The following TOPAZ1 variants were observed in gnomAD, a reference collection of about 807,000 sequenced individuals.
TOPAZ1 encodes testis and ovary specific TOPAZ 1.
TOPAZ1 carries 66 observed loss-of-function variants against 172.2 expected under a neutral mutation model. The observed-to-expected ratio is 0.38, with a 90% confidence interval of 0.31 to 0.47. TOPAZ1 has a LOEUF of 0.47. Ranked by LOEUF, TOPAZ1 falls within the 20% of genes least tolerant of loss-of-function variation. The probability of loss-of-function intolerance (pLI) is 0.99; values close to 1 mark genes in which losing one functional copy is unlikely to be tolerated. For missense variants in TOPAZ1, 1,822 were observed against 1,972.4 expected (o/e 0.92, Z 1.44); for synonymous variants, 681 against 683.9 (o/e 1.00, Z 0.07).
intron 11 of TOPAZ1, among the ~76,000 whole-genome samples, chr3:44,289,882 AG>A (rs934095375): frequency 2.6e-5 from 4 of 152,206 alleles, no homozygotes. Context: ...ATTTCTTAAA[AG>A]GGGAATTTTT....
intron 12 of TOPAZ1, among the ~76,000 whole-genome samples, chr3:44,297,960 A>T (rs1232246513): frequency 6.6e-6 from 1 of 152,242 alleles, no homozygotes; most frequent in Non-Finnish European, 1.5e-5. Flanking sequence ...CAAAATGCTG[A>T]TAAAAGAAAT....
At chr3:44,293,540 GATAAAA>G (rs771595343) in intron 12 of TOPAZ1, among the ~76,000 whole-genome samples, 40 of 151,994 alleles carry the variant, frequency 2.6e-4, no homozygotes, top group Admixed American at 2.0e-4. Context: ...AAAGTAAAAA[GATAAAA>G]ATAAAAATTT....
rs770281774 is a variant in TOPAZ1 at position 44,244,675 on chromosome 3, A to G, written c.2169A>G (p.Gly723=). 1 of 1,551,360 alleles carries G rather than the reference A, an allele frequency of 6.4e-7. No individual in the cohort carries two copies. The highest frequency in any genetic ancestry group is 1.2e-5 in the South Asian group (1 of 84,012). ...SPLELLDNLS[G]ADVRQNRSKE... ...TAGAACTTCTGGACAATTTATCTGGAGCAGACGTAAGACAGAACAGGAGTA... is the reference window on the plus strand; with the variant it reads ...TAGAACTTCTGGACAATTTATCTGGGGCAGACGTAAGACAGAACAGGAGTA... Residue 723 remains glycine, a synonymous_variant, in exon 2 of 20, where the codon GGA becomes GGG. Coordinates refer to ENST00000309765, the MANE Select transcript of TOPAZ1 (RefSeq NM_001145030.2).
At chr3:44,334,384 G>A (rs1334726219), downstream of TOPAZ1, among the ~76,000 whole-genome samples, 1 of 152,152 alleles carries the variant, frequency 6.6e-6, no homozygotes, top group Non-Finnish European at 1.5e-5. Context: ...TGCTGAAAGG[G>A]AGCATTGAGG....
chr3:44,305,217 A>C lies in TOPAZ1; in HGVS notation c.3935A>C (p.Lys1312Thr). Residue 1312 changes from lysine to threonine, a missense_variant, in exon 14 of 20, where the codon AAA (lysine) becomes ACA (threonine). Physicochemically the swap from Lys to Thr is moderately conservative, Grantham distance 78 (BLOSUM62 -1). Coordinates refer to ENST00000309765, the MANE Select transcript of TOPAZ1 (RefSeq NM_001145030.2). ...LYINVKMGCE[K>T]FADFQTFCAC... Reference sequence around the variant, plus strand: ...ATTAACGTAAAAATGGGCTGTGAAAAATTTGCAGATTTCCAGACATTTTGT... The same window carrying C: ...ATTAACGTAAAAATGGGCTGTGAAACATTTGCAGATTTCCAGACATTTTGT... 1 of 1,549,052 alleles carries C rather than the reference A, an allele frequency of 6.5e-7. No individual in the cohort carries two copies. Among genetic ancestry groups the C allele is most frequent in the Non-Finnish European group, 8.7e-7 (1 of 1,146,222 alleles).
chr3:44,300,512 AT>A (rs1250629378), intron 12 of TOPAZ1, among the ~76,000 whole-genome samples: 3 of 152,340 alleles, frequency 2.0e-5, no homozygotes, highest in African/African-American at 7.2e-5. Context: ...GCACATGAAA[AT>A]AAGTTCAACA....
rs113260326 is a variant in TOPAZ1 at position 44,279,724 on chromosome 3, G to A, written c.3373-2244G>A. Among the ~76,000 whole-genome samples the A allele has an allele frequency of 7.4e-4, 112 of 152,094 alleles. 1 individual carries two copies. The Middle Eastern group carries it at 0.014, about 18-fold the overall frequency. On this transcript the variant is annotated intron_variant, in intron 8 of 19. Transcript: ENST00000309765. ...TCTTTACAGGTGAGATGAGTTTCTG[G>A]TAAGTAGCATATCATTGGATCATGT...
At chr3:44,303,523 GACT>G (rs1245388384) in intron 12 of TOPAZ1, among the ~76,000 whole-genome samples, 2 of 136,416 alleles carry the variant, frequency 1.5e-5, no homozygotes, top group African/African-American at 5.5e-5. Flanking sequence ...ACTTAATGTG[GACT>G]TAGTCTTTGC....
intron 11 of TOPAZ1, 117 bp from the exon 12 acceptor site, chr3:44,290,653 TC>T (rs1487765901): frequency 3.2e-6 from 2 of 619,244 alleles, no homozygotes; most frequent in Non-Finnish European, 5.7e-6. Flanking sequence ...TGAGTTTTAT[TC>T]CACTTGTCTC....
chr3:44,267,098 G>A lies in TOPAZ1; in HGVS notation c.3122G>A (p.Gly1041Asp), dbSNP rs1460040582. ...TTAGTACCTCCTTTGAATCTAAGTG[G>A]TCGTCAAGAAGACACAATACTGAAT... The part of the protein sequence containing the change: ...CLLVPPLNLS[G>D]RQEDTILNTW... Residue 1041 changes from glycine to aspartate, a missense_variant, in exon 6 of 20, where the codon GGT (glycine) becomes GAT (aspartate). Coordinates refer to ENST00000309765, the MANE Select transcript of TOPAZ1 (RefSeq NM_001145030.2). 1.9e-6 allele frequency: 3 copies of A among 1,546,156 alleles called. No homozygotes were observed. The highest frequency in any genetic ancestry group is 2.6e-6 in the Non-Finnish European group (3 of 1,144,874).
chr3:44,262,343 A>C, intron 4 of TOPAZ1, 76 bp from the exon 5 acceptor site: 1 of 646,504 alleles, frequency 1.5e-6, no homozygotes, highest in Non-Finnish European at 2.5e-6. Flanking sequence ...ATTATAATAA[A>C]TCCAGTAAGC....
In TOPAZ1 at chr3:44,276,500, C is replaced by T. The variant is rs1393930280; in HGVS notation, c.3373-5468C>T. ...TGGCTGTAAATAGGTAAATTTACTTCTGGATTCTCTGTTCTATTCCATTGG... is the reference window on the plus strand; with the variant it reads ...TGGCTGTAAATAGGTAAATTTACTTTTGGATTCTCTGTTCTATTCCATTGG... On this transcript the variant is annotated intron_variant, in intron 8 of 19. Coordinates refer to ENST00000309765, the MANE Select transcript of TOPAZ1 (RefSeq NM_001145030.2). 2.0e-5 allele frequency among the ~76,000 whole-genome samples: 3 copies of T among 151,550 alleles called. No individual in the cohort carries two copies. The South Asian group carries it at 6.2e-4, about 31-fold the overall frequency.
Position 44,292,102 on chromosome 3 carries a change from G to A in TOPAZ1, c.3797+1216G>A, listed in dbSNP as rs183319970. On this transcript the variant is annotated intron_variant, in intron 12 of 19. Transcript: ENST00000309765. ...TTTGCCATTGTGCCCTAGATGCCTC[G>A]GTACAGTTAAAAGAATTGCAGCTCT... Among the ~76,000 whole-genome samples the A allele has an allele frequency of 5.9e-5, 9 of 152,100 alleles. No homozygotes were observed. The East Asian group carries it at 1.5e-3, about 26-fold the overall frequency.
chr3:44,335,765 C>T (rs897945152), downstream of TOPAZ1, among the ~76,000 whole-genome samples: 7 of 152,122 alleles, frequency 4.6e-5, no homozygotes, highest in Non-Finnish European at 8.8e-5. Context: ...GAGATTAAAG[C>T]CTATTTTAAA....
intron 16 of TOPAZ1, among the ~76,000 whole-genome samples, chr3:44,319,167 C>G (rs1173906460): frequency 1.3e-5 from 2 of 152,150 alleles, no homozygotes; most frequent in African/African-American, 2.4e-5. Context: ...CTGCCTGATC[C>G]CATGCTGCCC....
rs1700676971 is a variant in TOPAZ1, at chr3:44,332,040, T to C, written c.*29T>C. ...ATAAAGTCTGCTTTTTTTTTTTTTTTAGTTCAAGTAATCATTGTTGAAAAT... is the reference window on the plus strand; with the variant it reads ...ATAAAGTCTGCTTTTTTTTTTTTTTCAGTTCAAGTAATCATTGTTGAAAAT... On this transcript the variant is annotated 3_prime_UTR_variant, in exon 20 of 20. Transcript: ENST00000309765. The C allele has an allele frequency of 1.6e-6, 2 of 1,226,592 alleles. No homozygotes were observed. The highest frequency in any genetic ancestry group is 1.1e-6 in the Non-Finnish European group (1 of 878,146). The allele number at this position is 1,226,592 out of a possible 1,614,324, so 76.0% of individuals were successfully genotyped here.
chr3:44,283,969 C>G (rs1700051804), intron 9 of TOPAZ1, among the ~76,000 whole-genome samples: 1 of 152,174 alleles, frequency 6.6e-6, no homozygotes, highest in South Asian at 2.1e-4. Context: ...TCACTTGACC[C>G]AATTATGGCG....
intron 4 of TOPAZ1, among the ~76,000 whole-genome samples, chr3:44,256,968 C>A (rs1699710914): frequency 6.6e-6 from 1 of 151,940 alleles, no homozygotes; most frequent in Non-Finnish European, 1.5e-5. Context: ...TCTTTTACTT[C>A]CACTATATGT....
At chr3:44,263,138 C>T (rs1699793018) in intron 5 of TOPAZ1, among the ~76,000 whole-genome samples, 1 of 152,132 alleles carries the variant, frequency 6.6e-6, no homozygotes, top group South Asian at 2.1e-4. Context: ...ACAAGACCAC[C>T]AGCTGATTTT....
Sources: gnomAD v4.1 joint callset for allele counts (sites outside exome capture counted in the v4.1 genomes callset) on GRCh38, gnomAD v4.1.1 for gene constraint, MANE v1.5 for transcripts, NCBI Gene and HGNC (gene_info 2026-07-23, HGNC 2026-07-21) for gene names.